The following CDKN2B-AS1 variants were observed in gnomAD, a reference collection of about 807,000 sequenced individuals.
CDKN2B-AS1 encodes the protein CDKN2B and CDKN2A antisense cis and trans regulatory RNA 1.
At chr9:22,077,641 T>C (rs1563966802) in intron 4 of CDKN2B-AS1, 2 of 152,166 alleles carry the variant, frequency 1.3e-5, no homozygotes, top group Non-Finnish European at 2.9e-5. Context: ...AAAATCAAAA[T>C]AATTTTTCTT....
At chr9:22,020,393 A>T (rs1260981036) in intron 1 of CDKN2B-AS1, among the ~76,000 whole-genome samples, 2 of 152,218 alleles carry the variant, frequency 1.3e-5, no homozygotes, top group Non-Finnish European at 2.9e-5. Flanking sequence ...GTGTATACCC[A>T]GTAATGGGAT....
intron 4 of CDKN2B-AS1, chr9:22,120,392 C>T (rs145157680): frequency 5.9e-5 from 9 of 152,154 alleles, no homozygotes; most frequent in Non-Finnish European, 1.0e-4. Flanking sequence ...TGTGTGTTTC[C>T]TTGTGAGCTA....
intron 4 of CDKN2B-AS1, among the ~76,000 whole-genome samples, chr9:22,074,553 G>T (rs562816216): frequency 2.6e-4 from 39 of 152,270 alleles, no homozygotes; most frequent in African/African-American, 8.9e-4. Context: ...GTTTCCTTTT[G>T]TTTCCTTGTT....
At chr9:22,063,109 G>A (rs1444432102) in intron 4 of CDKN2B-AS1, among the ~76,000 whole-genome samples, 1 of 152,078 alleles carries the variant, frequency 6.6e-6, no homozygotes, top group African/African-American at 2.4e-5. Context: ...TGGTGCTTAG[G>A]AGAGAGATGT....
intron 3 of CDKN2B-AS1, among the ~76,000 whole-genome samples, chr9:22,050,200 C>T (rs1222379427): frequency 1.3e-5 from 2 of 152,188 alleles, no homozygotes; most frequent in African/African-American, 4.8e-5. Flanking sequence ...GCACTTAGCT[C>T]ATCTGTTCTT....
chr9:22,091,108 A>C (rs993640834), intron 4 of CDKN2B-AS1, among the ~76,000 whole-genome samples: 29 of 152,056 alleles, frequency 1.9e-4, no homozygotes, highest in South Asian at 2.1e-4. Context: ...GCTTGTTTTT[A>C]TCAGGTTTGT....
rs184991758 is a variant in CDKN2B-AS1 at position 22,053,326 on chromosome 9, A to C, written n.303-2926A>C. Among the ~76,000 whole-genome samples the C allele has an allele frequency of 7.7e-4, 118 of 152,316 alleles. 2 individuals are homozygous for C. The East Asian group carries it at 0.02, about 26-fold the overall frequency. ...TGAGAATCTAGGTTTCTAAGTTTCC[A>C]TTGACCATGAAAGAGTGATTAGTTT... On this transcript the variant is annotated intron_variant and non_coding_transcript_variant, in intron 3 of 4. Transcript: ENST00000650946.
chr9:22,068,506 G>A (rs1824154847), intron 4 of CDKN2B-AS1, among the ~76,000 whole-genome samples: 3 of 152,164 alleles, frequency 2.0e-5, no homozygotes, highest in South Asian at 2.1e-4. Flanking sequence ...TACCAAGCCC[G>A]AGTTTGACAG....
upstream of CDKN2B-AS1, chr9:21,995,042 T>A (rs1006056201): frequency 6.6e-6 from 1 of 152,256 alleles, no homozygotes; most frequent in Non-Finnish European, 1.5e-5. This position sits in a 1 kb window ranked among gnomAD's most constrained non-coding sequence, Gnocchi z 5.7. Context: ...TCCGCTCCTC[T>A]TCTAGATTTG....
chr9:22,110,966 C>G (rs564645714), intron 4 of CDKN2B-AS1, among the ~76,000 whole-genome samples: 28 of 151,972 alleles, frequency 1.8e-4, no homozygotes, highest in Non-Finnish European at 3.1e-4. Flanking sequence ...AATCTATGAA[C>G]ATTTTATTTT....
At chr9:22,080,232 T>C (rs1186928704) in intron 4 of CDKN2B-AS1, among the ~76,000 whole-genome samples, 1 of 152,216 alleles carries the variant, frequency 6.6e-6, no homozygotes. Context: ...TTTGGTAATG[T>C]TGCAAGAACA....
At chr9:22,013,560 T>G (rs1821607457) in intron 1 of CDKN2B-AS1, among the ~76,000 whole-genome samples, 1 of 152,280 alleles carries the variant, frequency 6.6e-6, no homozygotes, top group Non-Finnish European at 1.5e-5. Flanking sequence ...TAAGGGATGC[T>G]CCTGCCTCAT....
At chr9:22,020,143 A>C (rs1317179519) in intron 1 of CDKN2B-AS1, among the ~76,000 whole-genome samples, 2 of 152,076 alleles carry the variant, frequency 1.3e-5, no homozygotes, top group African/African-American at 4.8e-5. Context: ...CTGTTCCTGC[A>C]TTAGTTTGCT....
At chr9:22,022,897 C>G (rs960354653) in intron 1 of CDKN2B-AS1, among the ~76,000 whole-genome samples, 2 of 152,130 alleles carry the variant, frequency 1.3e-5, no homozygotes, top group Non-Finnish European at 2.9e-5. Flanking sequence ...CTTAGTTTGA[C>G]CAGATATAAA....
chr9:22,122,896 T>C (rs1317104648), intron 4 of CDKN2B-AS1, among the ~76,000 whole-genome samples: 3 of 152,176 alleles, frequency 2.0e-5, no homozygotes, highest in Non-Finnish European at 2.9e-5. Context: ...TGTGGTTCCA[T>C]ATAAATTTTA....
intron 1 of CDKN2B-AS1, among the ~76,000 whole-genome samples, chr9:22,046,093 C>A (rs536596598): frequency 2.0e-5 from 3 of 152,134 alleles, no homozygotes; most frequent in South Asian, 4.2e-4. Context: ...AAATAAATTT[C>A]TCTGTAGCAA....
At chr9:22,008,721 G>T in intron 1 of CDKN2B-AS1, 1 of 1,611,152 alleles carries the variant, frequency 6.2e-7, no homozygotes. Flanking sequence ...GGCGATCTAG[G>T]TTCCAGCCCC....
intron 1 of CDKN2B-AS1, among the ~76,000 whole-genome samples, chr9:22,034,012 C>G (rs1057418317): frequency 6.6e-6 from 1 of 152,106 alleles, no homozygotes; most frequent in Non-Finnish European, 1.5e-5. Context: ...CCAAACCATG[C>G]TTTTTAAAAA....
At chr9:22,081,694 G>T (rs1330726172) in intron 4 of CDKN2B-AS1, among the ~76,000 whole-genome samples, 1 of 152,186 alleles carries the variant, frequency 6.6e-6, no homozygotes. Context: ...TAGGAAGCTT[G>T]TCTATTAGTT....
Sources: gnomAD v4.1 joint callset for allele counts (sites outside exome capture counted in the v4.1 genomes callset) on GRCh38, gnomAD v4.1.1 for gene constraint, Gnocchi (gnomAD v3.1) non-coding constraint, MANE v1.5 for transcripts, NCBI Gene and HGNC (gene_info 2026-07-23, HGNC 2026-07-21) for gene names.